The following SNX7 variants were observed in gnomAD, a reference collection of about 807,000 sequenced individuals.
SNX7 encodes the protein sorting nexin 7, also known as sorting nexin-7.
In SNX7, 35 loss-of-function variants were observed where a neutral mutation model predicts 48.4. That is an observed-to-expected ratio of 0.72 (90% CI 0.55 to 0.96). SNX7 has a LOEUF of 0.96. Among genes scored for constraint, SNX7 ranks in the 40% least tolerant of loss-of-function variants. The probability of loss-of-function intolerance (pLI) is 0.00; values close to 1 mark genes in which losing one functional copy is unlikely to be tolerated. For missense variants in SNX7, 553 were observed against 548.9 expected (o/e 1.01, Z -0.07); for synonymous variants, 190 against 190.2 (o/e 1.00, Z 0.01).
intron 8 of SNX7, among the ~76,000 whole-genome samples, chr1:98,749,203 C>G (rs564221926): frequency 2.0e-5 from 3 of 152,180 alleles, no homozygotes; most frequent in Admixed American, 6.5e-5. Context: ...TTAGACCTTT[C>G]AGAGCCCCAA....
At chr1:98,715,047 C>T (rs980771690) in intron 7 of SNX7, among the ~76,000 whole-genome samples, 2 of 152,004 alleles carry the variant, frequency 1.3e-5, no homozygotes, top group Admixed American at 1.3e-4. Flanking sequence ...GAATATTTTC[C>T]TATATAACTA....
At chr1:98,687,006 T>G (rs767976595) in intron 2 of SNX7, among the ~76,000 whole-genome samples, 2 of 152,162 alleles carry the variant, frequency 1.3e-5, no homozygotes, top group Non-Finnish European at 2.9e-5. Context: ...ATACTTTAAA[T>G]GGACTGGTCT....
In SNX7 at chr1:98,667,920, CA is replaced by C. The variant is rs572683342; in HGVS notation, c.180+6017del. Among the ~76,000 whole-genome samples the C allele has an allele frequency of 2.2e-4, 32 of 148,392 alleles. 1 individual carries two copies. The highest frequency in any genetic ancestry group is 1.5e-3 in the Admixed American group (22 of 14,828). On this transcript the variant is annotated intron_variant, in intron 1 of 8. Transcript: ENST00000306121. ...ATTTTGATGATTAGGAAAAAAAAAA[CA>C]AAAAAAACAAAACAAACAAACAAAA...
chr1:98,716,356 G>A (rs889994060), intron 7 of SNX7, among the ~76,000 whole-genome samples: 1 of 152,146 alleles, frequency 6.6e-6, no homozygotes, highest in African/African-American at 2.4e-5. Flanking sequence ...TCATCTCGCT[G>A]CTTTGACAAT....
At chr1:98,664,994 C>T (rs995294723) in intron 1 of SNX7, among the ~76,000 whole-genome samples, 7 of 152,126 alleles carry the variant, frequency 4.6e-5, no homozygotes, top group African/African-American at 7.2e-5. Context: ...AGTTTCTTCA[C>T]GTTTAAAGGA....
intron 8 of SNX7, among the ~76,000 whole-genome samples, chr1:98,746,617 A>C (rs568072723): frequency 6.6e-6 from 1 of 152,254 alleles, no homozygotes; most frequent in African/African-American, 2.4e-5. Context: ...GTTCATTTTA[A>C]CACCACTTGA....
At chr1:98,718,091 G>A (rs927737968) in intron 7 of SNX7, among the ~76,000 whole-genome samples, 3 of 152,002 alleles carry the variant, frequency 2.0e-5, no homozygotes, top group Admixed American at 6.6e-5. Context: ...CCAGATGTGC[G>A]AATTACTTAT....
intron 7 of SNX7, among the ~76,000 whole-genome samples, chr1:98,734,004 A>T (rs1177302161): frequency 6.6e-6 from 1 of 152,106 alleles, no homozygotes; most frequent in East Asian, 1.9e-4. Context: ...TTTACTGGTC[A>T]GTCTCTAATA....
At chr1:98,676,028 A>G (rs1253240317) in intron 1 of SNX7, among the ~76,000 whole-genome samples, 1 of 152,158 alleles carries the variant, frequency 6.6e-6, no homozygotes, top group Admixed American at 6.5e-5. Flanking sequence ...AAAGAAAATC[A>G]CATAGAAAAA....
chr1:98,684,582 C>G (rs184489414), intron 1 of SNX7, among the ~76,000 whole-genome samples: 4 of 152,268 alleles, frequency 2.6e-5, no homozygotes, highest in Admixed American at 2.6e-4. Flanking sequence ...GGCTCCACCT[C>G]TTAATACTAT....
intron 1 of SNX7, among the ~76,000 whole-genome samples, chr1:98,680,227 G>T (rs1365907573): frequency 6.6e-6 from 1 of 152,148 alleles, no homozygotes; most frequent in African/African-American, 2.4e-5. Context: ...CTCTATGTTG[G>T]CCCCTTTCAG....
intron 8 of SNX7, among the ~76,000 whole-genome samples, chr1:98,759,489 C>G (rs4908024): frequency 9.9e-5 from 15 of 151,974 alleles, no homozygotes; most frequent in African/African-American, 3.4e-4. Context: ...GTCTTTCCAC[C>G]CAGTCCCAAC....
intron 8 of SNX7, among the ~76,000 whole-genome samples, chr1:98,748,331 A>G (rs1431707339): frequency 6.6e-6 from 1 of 151,900 alleles, no homozygotes; most frequent in East Asian, 1.9e-4. Flanking sequence ...TATTCTCATC[A>G]GTCCCCTATA....
At chr1:98,691,050 T>C (rs945229937) in intron 2 of SNX7, 25 bp from the exon 3 acceptor site, 6 of 1,481,778 alleles carry the variant, frequency 4.0e-6, no homozygotes, top group Non-Finnish European at 5.6e-6. Context: ...TTGCATGTGC[T>C]GTTATTTTCT....
chr1:98,693,305 T>C (rs1651250936), intron 4 of SNX7, among the ~76,000 whole-genome samples: 1 of 152,234 alleles, frequency 6.6e-6, no homozygotes, highest in Non-Finnish European at 1.5e-5. Flanking sequence ...ACTTGTTTTT[T>C]CTTTTATTCT....
intron 8 of SNX7, among the ~76,000 whole-genome samples, chr1:98,757,086 C>G (rs1376449461): frequency 6.6e-6 from 1 of 152,086 alleles, no homozygotes; most frequent in East Asian, 1.9e-4. Context: ...CTGCTACCAC[C>G]TCACCTTCTG....
chr1:98,739,881 T>C (rs752795676), intron 8 of SNX7, among the ~76,000 whole-genome samples: 12 of 152,174 alleles, frequency 7.9e-5, no homozygotes, highest in Non-Finnish European at 1.2e-4. Flanking sequence ...ATGGGAGCCA[T>C]TGAGTAGTTT....
At chr1:98,688,733 C>G (rs1458763020) in intron 2 of SNX7, among the ~76,000 whole-genome samples, 5 of 152,074 alleles carry the variant, frequency 3.3e-5, no homozygotes, top group Non-Finnish European at 5.9e-5. Context: ...AAAAATTGGC[C>G]AGCATTTTCA....
chr1:98,748,906 A>G (rs1416048393), intron 8 of SNX7, among the ~76,000 whole-genome samples: 2 of 152,154 alleles, frequency 1.3e-5, no homozygotes, highest in East Asian at 1.9e-4. Context: ...ATAACATGCT[A>G]TAAAATAATG....
Sources: allele counts gnomAD v4.1 joint callset (sites outside exome capture counted in the v4.1 genomes callset), GRCh38; gene constraint gnomAD v4.1.1; transcripts MANE v1.5; gene names NCBI Gene and HGNC (gene_info 2026-07-23, HGNC 2026-07-21).